TTBK2: variants seen among roughly 807,000 people sequenced by gnomAD.
The protein encoded by TTBK2 is tau tubulin kinase 2, also known as tau-tubulin kinase 2.
Under a neutral mutation model 110.8 loss-of-function variants are expected in TTBK2, and 28 were observed. The observed-to-expected ratio is 0.25, with a 90% confidence interval of 0.19 to 0.35. The LOEUF is 0.35. Among genes scored for constraint, TTBK2 ranks in the 10% least tolerant of loss-of-function variants. TTBK2 has a pLI of 1.00. For missense variants in TTBK2, 1,369 were observed against 1,500.3 expected, an observed-to-expected ratio of 0.91 and a Z score of 1.45; for synonymous variants, 532 against 527.3, an observed-to-expected ratio of 1.01 and a Z score of -0.12.
At chr15:42,877,675 C>A (rs1025266126) in intron 2 of TTBK2, among the ~76,000 whole-genome samples, 9 of 151,930 alleles carry the variant, frequency 5.9e-5, no homozygotes, top group African/African-American at 2.2e-4. Flanking sequence ...TTTAGTACTA[C>A]TACAGTATTT....
chr15:42,793,044 A>G (rs1890766908), intron 10 of TTBK2, among the ~76,000 whole-genome samples: 1 of 152,210 alleles, frequency 6.6e-6, no homozygotes, highest in African/African-American at 2.4e-5. Flanking sequence ...CAGCTCTGCC[A>G]CTAATATTTA....
At chr15:42,754,535 T>C (rs1454989084) in intron 13 of TTBK2, among the ~76,000 whole-genome samples, 1 of 151,614 alleles carries the variant, frequency 6.6e-6, no homozygotes, top group African/African-American at 2.4e-5. Flanking sequence ...TATCTGGGAT[T>C]ACAGGTGCCC....
chr15:42,822,400 A>C (rs867325341), intron 6 of TTBK2, among the ~76,000 whole-genome samples: 2 of 152,196 alleles, frequency 1.3e-5, no homozygotes, highest in Non-Finnish European at 2.9e-5. Flanking sequence ...CTATGAGCAT[A>C]TTTTATTTGA....
chr15:42,916,989 TA>T (rs2031115163), intron 1 of TTBK2, among the ~76,000 whole-genome samples: 1 of 152,132 alleles, frequency 6.6e-6, no homozygotes. Context: ...ATTCTCTGTT[TA>T]AAAAAATAAT....
rs1195387652 is a variant in TTBK2 at position 42,745,657 on chromosome 15, T to C, written c.*138A>G. ...ATTCCTTATCATGTATTATGTCTTC[T>C]TATAAATAATTGATCATGTTACTTT... On this transcript the variant is annotated 3_prime_UTR_variant, in exon 15 of 15. Transcript: ENST00000267890. 9.5e-7 allele frequency: 1 copy of C among 1,056,590 alleles called. No individual in the cohort carries two copies. Among genetic ancestry groups the C allele is most frequent in the Admixed American group, 1.9e-5 (1 of 51,950 alleles). 65.5% of individuals were successfully genotyped at this position (1,056,590 alleles called of 1,614,324 possible). A position where few individuals can be genotyped will look rare whatever the true frequency, so the allele number is the denominator to read the frequency against.
intron 11 of TTBK2, among the ~76,000 whole-genome samples, chr15:42,778,194 G>A (rs1479716786): frequency 6.8e-6 from 1 of 147,082 alleles, no homozygotes; most frequent in Non-Finnish European, 1.5e-5. Context: ...ATAAATAAAG[G>A]TTATTATAAC....
intron 11 of TTBK2, 86 bp from the exon 12 acceptor site, chr15:42,777,328 A>C: frequency 7.4e-7 from 1 of 1,350,478 alleles, no homozygotes. Flanking sequence ...AAATAATATA[A>C]ATAAATGATT....
chr15:42,777,915 A>G (rs1474887521), intron 11 of TTBK2, among the ~76,000 whole-genome samples: 1 of 152,054 alleles, frequency 6.6e-6, no homozygotes, highest in African/African-American at 2.4e-5. Flanking sequence ...TTGGTGATAT[A>G]CTCAGGGTAG....
chr15:42,884,968 C>G (rs1895186326), intron 1 of TTBK2, among the ~76,000 whole-genome samples: 2 of 151,982 alleles, frequency 1.3e-5, no homozygotes, highest in South Asian at 4.1e-4. Flanking sequence ...TAATTCTTCC[C>G]ACCCTTGAGA....
At chr15:42,832,536 G>A (rs905225963) in intron 4 of TTBK2, among the ~76,000 whole-genome samples, 1 of 152,024 alleles carries the variant, frequency 6.6e-6, no homozygotes, top group Admixed American at 6.6e-5. Flanking sequence ...AAGAAAAACC[G>A]AAAACACCCT....
chr15:42,761,487 A>G (rs546061208), intron 13 of TTBK2, among the ~76,000 whole-genome samples: 29 of 152,308 alleles, frequency 1.9e-4, no homozygotes, highest in Admixed American at 1.0e-3. Flanking sequence ...AATAGAGTGA[A>G]AAGATAACCT....
chr15:42,751,060 T>C (rs2061858636), intron 14 of TTBK2, among the ~76,000 whole-genome samples: 1 of 152,208 alleles, frequency 6.6e-6, no homozygotes. Flanking sequence ...AGACCTGTCT[T>C]GCAAGAAATG....
intron 1 of TTBK2, among the ~76,000 whole-genome samples, chr15:42,883,070 A>C (rs187863549): frequency 3.3e-5 from 5 of 152,242 alleles, no homozygotes; most frequent in Middle Eastern, 3.4e-3. Context: ...ATGTAAACAG[A>C]TATAACACTA....
At chr15:42,818,922 CA>C (rs563663271) in intron 6 of TTBK2, among the ~76,000 whole-genome samples, 35 of 119,680 alleles carry the variant, frequency 2.9e-4, no homozygotes, top group East Asian at 7.5e-4. Flanking sequence ...GACTCCGTCT[CA>C]AAAAAAAAAA....
intron 13 of TTBK2, 150 bp from the exon 14 acceptor site, chr15:42,753,397 C>T: frequency 1.2e-6 from 1 of 815,922 alleles, no homozygotes; most frequent in Non-Finnish European, 1.9e-6. Flanking sequence ...ATGAACAATT[C>T]TGAATAACAA....
chr15:42,852,565 G>A (rs180730085), intron 3 of TTBK2, among the ~76,000 whole-genome samples: 8 of 152,210 alleles, frequency 5.3e-5, no homozygotes, highest in South Asian at 2.1e-4. Context: ...AAATATGTAC[G>A]TGTGTTTTCA....
chr15:42,902,547 A>G (rs557639603), intron 1 of TTBK2, among the ~76,000 whole-genome samples: 1 of 152,162 alleles, frequency 6.6e-6, no homozygotes, highest in South Asian at 2.1e-4. Context: ...AACCACAATG[A>G]GACACCAGTT....
At chr15:42,863,069 A>C (rs904168630) in intron 3 of TTBK2, among the ~76,000 whole-genome samples, 4 of 152,178 alleles carry the variant, frequency 2.6e-5, no homozygotes, top group African/African-American at 9.7e-5. Flanking sequence ...CAGCAAGAGG[A>C]ATCAGGCAAC....
intron 1 of TTBK2, among the ~76,000 whole-genome samples, chr15:42,883,801 G>C (rs1207994525): frequency 1.3e-5 from 2 of 151,810 alleles, no homozygotes; most frequent in Non-Finnish European, 2.9e-5. Context: ...GAGATTAGCA[G>C]GATAAATATG....
Sources: gnomAD v4.1 joint callset for allele counts (sites outside exome capture counted in the v4.1 genomes callset) on GRCh38, gnomAD v4.1.1 for gene constraint, MANE v1.5 for transcripts, NCBI Gene and HGNC (gene_info 2026-07-23, HGNC 2026-07-21) for gene names.